The following RECQL4 variants were observed in gnomAD, a reference collection of about 807,000 sequenced individuals.
RECQL4 encodes RecQ like helicase 4, also known as ATP-dependent DNA helicase Q4.
A neutral mutation model predicts 128.6 loss-of-function variants in RECQL4; 158 were observed. The ratio of observed to expected loss-of-function variants is 1.23; its 90% CI spans 1.08 to 1.40. The LOEUF is 1.40. Ranked by LOEUF, RECQL4 falls within the 40% of genes most tolerant of loss-of-function variation. RECQL4 has a pLI of 0.00. For missense variants in RECQL4, 2,293 were observed against 1,649.8 expected (o/e 1.39, Z -6.75); for synonymous variants, 996 against 678.9 (o/e 1.47, Z -7.26).
chr8:144,513,737 CAGTGGGG>C (rs1827699414), intron 12 of RECQL4, 25 bp from the exon 13 acceptor site: 1 of 1,399,712 alleles, frequency 7.1e-7, no homozygotes, highest in African/African-American at 1.8e-5. Flanking sequence ...TTGGCGTGGG[CAGTGGGG>C]AGTGAGGAGG....
At chr8:144,514,695 C>T (rs1827892856) in intron 9 of RECQL4, among the ~76,000 whole-genome samples, 170 bp from the exon 10 acceptor site, 1 of 152,058 alleles carries the variant, frequency 6.6e-6, no homozygotes, top group Non-Finnish European at 1.5e-5. Flanking sequence ...GGCCCAGGAG[C>T]CCCAGAGCAG....
rs950625197 is a variant in RECQL4, at chr8:144,517,681, G to C, written c.84+20C>G. 5.6e-6 allele frequency: 8 copies of C among 1,434,800 alleles called. No individual in the cohort carries two copies. Among genetic ancestry groups the C allele is most frequent in the Non-Finnish European group, 7.3e-6 (8 of 1,099,454 alleles). The allele number at this position is 1,434,800 out of a possible 1,614,324, so 88.9% of individuals were successfully genotyped here. On this transcript the variant is annotated intron_variant, in intron 1 of 20. Coordinates refer to ENST00000617875, the MANE Select transcript of RECQL4 (RefSeq NM_004260.4). ...CCGCGGGCCGCGCCCTCAGCCCCTC[G>C]GCCCCTGGGCAGCCCGCACCTGGCT...
Position 144,514,544 on chromosome 8 carries a change from C to A in RECQL4, c.1621-19G>T, listed in dbSNP as rs1366481725. ...CAGACACCTGCAAATGCAGGAGCGA[C>A]AGCCGTCATACGCCAGCCCAGCCCT... On this transcript the variant is annotated intron_variant, in intron 9 of 20. Transcript: ENST00000617875. The A allele has an allele frequency of 1.2e-6, 2 of 1,606,088 alleles. No individual in the cohort carries two copies. The highest frequency in any genetic ancestry group is 2.2e-5 in the South Asian group (2 of 90,056).
rs1483530082 is a variant in RECQL4 at position 144,513,334 on chromosome 8, C to T, written c.2347G>A (p.Val783Met). ...AFGMGLDRPD[V>M]RAVLHLGLPP... Reference sequence around the variant, plus strand: ...AGCCCCAGATGCAGCACAGCCCGCACATCTGGCCGGTCCAGCCCCATCCCA... The same window carrying T: ...AGCCCCAGATGCAGCACAGCCCGCATATCTGGCCGGTCCAGCCCCATCCCA... Residue 783 changes from valine (V) to methionine (M), a missense_variant, in exon 14 of 21, where the codon GTG becomes ATG. By Grantham distance (21) the Val-to-Met change is conservative. Coordinates refer to ENST00000617875, the MANE Select transcript of RECQL4 (RefSeq NM_004260.4). The T allele has an allele frequency of 1.1e-5, 18 of 1,603,822 alleles. No individual in the cohort carries two copies. Among genetic ancestry groups the T allele is most frequent in the Admixed American group, 1.7e-5 (1 of 59,952 alleles).
At position 144,515,083 on chromosome 8, in the gene RECQL4, C is replaced by G. The variant is rs376242705; in HGVS notation, c.1484-11G>C. On this transcript the variant is annotated splice_polypyrimidine_tract_variant and intron_variant, in intron 8 of 20. Transcript: ENST00000617875. ...GCAGCGTGGAGATGCCTGGATGGGG[C>G]GGGAGTCAGCAGCAGGGTTCTGCAG... The G allele has an allele frequency of 6.9e-6, 11 of 1,599,672 alleles. No individual in the cohort carries two copies. The Admixed American group carries it at 1.9e-4, about 28-fold the overall frequency.
At position 144,512,936 on chromosome 8, in the gene RECQL4, G is replaced by A. The variant is rs1362182116; in HGVS notation, c.2666C>T (p.Ala889Val). The A allele has an allele frequency of 1.3e-6, 2 of 1,577,086 alleles. No homozygotes were observed. The highest frequency in any genetic ancestry group is 2.3e-5 in the East Asian group (1 of 42,896). Residue 889 changes from alanine to valine, a missense_variant, in exon 15 of 21, where the codon GCA becomes GTA. Coordinates refer to ENST00000617875, the MANE Select transcript of RECQL4 (RefSeq NM_004260.4). ...PQEAEQLSHQ[A>V]APGPRRVCMG... ...GCAGACCCTTCTGGGTCCTGGGGCT[G>A]CTTGGTGGCTAAGCTGCTCAGCCTC...
rs776616498 is a variant in RECQL4 at position 144,514,214 on chromosome 8, C to T, written c.1853G>A (p.Arg618Gln). ...HCLSQWSHNF[R>Q]PCYLRVCKVL... ...CTTGCAGACGCGCAGGTAGCAGGGC[C>T]GGAAGTTGTGGGACCACTGGGAGAG... Residue 618 changes from arginine (R) to glutamine (Q), a missense_variant, in exon 11 of 21, where the codon CGG (arginine) becomes CAG (glutamine). Coordinates refer to ENST00000617875, the MANE Select transcript of RECQL4 (RefSeq NM_004260.4). 71 of 1,612,160 alleles carry T rather than the reference C, an allele frequency of 4.4e-5. 1 individual carries two copies. The highest frequency in any genetic ancestry group is 9.4e-5 in the African/African-American group (7 of 74,854).
chr8:144,515,504 G>A (rs780049781), intron 6 of RECQL4, 47 bp from the exon 7 acceptor site: 1 of 1,611,478 alleles, frequency 6.2e-7, no homozygotes, highest in South Asian at 1.1e-5. Context: ...GGTCGGGCAA[G>A]ACAACCACTG....
chr8:144,516,822 T>C, intron 4 of RECQL4, 58 bp from the exon 5 acceptor site: 1 of 1,476,628 alleles, frequency 6.8e-7, no homozygotes, highest in South Asian at 1.4e-5. Flanking sequence ...TACTGTAGAC[T>C]CTAAAACCTA....
chr8:144,515,382 C>G lies in RECQL4; in HGVS notation c.1334G>C (p.Ser445Thr), dbSNP rs747571861. 2 of 1,612,770 alleles carry G rather than the reference C, an allele frequency of 1.2e-6. No homozygotes were observed. The highest frequency in any genetic ancestry group is 2.7e-5 in the African/African-American group (2 of 75,050). The change falls in exon 7 of 21, where the codon AGC becomes ACC. Residue 445 changes from serine to threonine, a missense_variant. Transcript: ENST00000617875. ...GAGTGGCAGCACGGTGGGGTCCAGG[C>G]TGGGCACCTCAGGTACAGGTTGTGG... Reference protein sequence around the residue: ...PSPQPVPEVPSLDPTVLPLYS... With the variant: ...PSPQPVPEVPTLDPTVLPLYS...
rs1586787364 is a variant in RECQL4 at position 144,511,498 on chromosome 8, T to C, written c.3560A>G (p.Tyr1187Cys). The change falls in exon 21 of 21, where the codon TAC (tyrosine) becomes TGC (cysteine). Residue 1187 changes from tyrosine to cysteine, a missense_variant. Physicochemically the swap from Tyr to Cys is radical, Grantham distance 194. Coordinates refer to ENST00000617875, the MANE Select transcript of RECQL4 (RefSeq NM_004260.4). ...CAGGGCATGGAAGCTCAGGTGCAGG[T>C]ATTTTCTCCAGAAGCGTCGGTCCTG... The part of the protein sequence containing the change: ...YGQDRRFWRK[Y>C]LHLSFHALVG... 6.2e-7 allele frequency: 1 copy of C among 1,612,574 alleles called. No homozygotes were observed. The highest frequency in any genetic ancestry group is 8.5e-7 in the Non-Finnish European group (1 of 1,179,810).
Position 144,511,930 on chromosome 8 carries a change from G to T in RECQL4, c.3374C>A (p.Pro1125His), listed in dbSNP as rs1333082439. 6.2e-7 allele frequency: 1 copy of T among 1,610,994 alleles called. No individual in the cohort carries two copies. The highest frequency in any genetic ancestry group is 8.5e-7 in the Non-Finnish European group (1 of 1,179,794). ...ACTCACTCTGGCCTGCCCTGGCTCG[G>T]GGCCCTGTGCGTCCTCCATGCCTCC... ...EPGGMEDAQG[P>H]EPGQARLQDW... is the part of the protein sequence containing the mutation. Residue 1125 changes from proline to histidine, a missense_variant, in exon 19 of 21, where the codon CCC becomes CAC. Coordinates refer to ENST00000617875, the MANE Select transcript of RECQL4 (RefSeq NM_004260.4).
At chr8:144,515,647 G>T in intron 6 of RECQL4, 117 bp downstream of exon 6, 1 of 1,468,676 alleles carries the variant, frequency 6.8e-7, no homozygotes, top group Non-Finnish European at 9.2e-7. Context: ...GCTAGGGTAG[G>T]GCCTGGACCA....
intron 4 of RECQL4, 99 bp from the exon 5 acceptor site, chr8:144,516,863 G>C: frequency 2.2e-6 from 3 of 1,386,844 alleles, no homozygotes; most frequent in Non-Finnish European, 1.9e-6. Context: ...TGTAGAGCAG[G>C]CTAATTAGCA....
In RECQL4 at chr8:144,512,263, G is replaced by A. The variant is rs1827386919; in HGVS notation, c.3117C>T (p.Ser1039=). The change falls in exon 18 of 21, where the codon AGC becomes AGT. Residue 1039 remains serine, a synonymous_variant. Coordinates refer to ENST00000617875, the MANE Select transcript of RECQL4 (RefSeq NM_004260.4). ...TCTCCTCAGCGGTCAAGTCCCCCGGGCTGCGAAGGTGGAAGGCCAGCTCAC... is the reference window on the plus strand; with the variant it reads ...TCTCCTCAGCGGTCAAGTCCCCCGGACTGCGAAGGTGGAAGGCCAGCTCAC... The part of the protein sequence containing the change: ...EFSELAFHLR[S]PGDLTAEEKD... The A allele has an allele frequency of 3.1e-6, 5 of 1,612,480 alleles. No homozygotes were observed. Among genetic ancestry groups the A allele is most frequent in the Non-Finnish European group, 3.4e-6 (4 of 1,179,782 alleles).
chr8:144,512,205 C>G lies in RECQL4; in HGVS notation c.3175G>C (p.Val1059Leu). 2 of 1,612,310 alleles carry G rather than the reference C, an allele frequency of 1.2e-6. No individual in the cohort carries two copies. The highest frequency in any genetic ancestry group is 2.2e-5 in the South Asian group (2 of 91,078). Residue 1059 changes from valine to leucine, a missense_variant, in exon 18 of 21, where the codon GTG (valine) becomes CTG (leucine). By Grantham distance (32) the Val-to-Leu change is conservative. Coordinates refer to ENST00000617875, the MANE Select transcript of RECQL4 (RefSeq NM_004260.4). ...AGGGCCTGGCGCTCCCGGGCCTGCA[C>G]ACGGCCATAGAGGAAGTCACATATC... ...DQICDFLYGR[V>L]QARERQALAR...
Position 144,512,436 on chromosome 8 carries a change from C to T in RECQL4, c.3011G>A (p.Arg1004Gln), listed in dbSNP as rs750261857. The change falls in exon 17 of 21, where the codon CGG becomes CAG. Residue 1004 changes from arginine (R) to glutamine (Q), a missense_variant. Physicochemically the swap from Arg to Gln is conservative, Grantham distance 43. Transcript: ENST00000617875. The stretch of plus-strand genomic sequence containing the variant: ...CCACTGCAGCTGGCAGAGAGCCCGC[C>T]GCACAGAGGCCAGCTCCCAGCCCAT... Reference protein sequence around the residue: ...DSMGWELASVRRALCQLQWDH... With the variant: ...DSMGWELASVQRALCQLQWDH... 117 of 1,610,024 alleles carry T rather than the reference C, an allele frequency of 7.3e-5. 2 individuals are homozygous for T. The highest frequency in any genetic ancestry group is 6.0e-4 in the East Asian group (27 of 44,814).
chr8:144,512,856 G>T lies in RECQL4; in HGVS notation c.2746C>A (p.Pro916Thr). ...ACCCCAGGTTCCTCACCCTCCTCCGGCATGTCCAAAGCCTGTACGGTAAGC... is the reference window on the plus strand; with the variant it reads ...ACCCCAGGTTCCTCACCCTCCTCCGTCATGTCCAAAGCCTGTACGGTAAGC... ...IQLTVQALDM[P>T]EEAIETLLCY... The change falls in exon 15 of 21, where the codon CCG becomes ACG. Residue 916 changes from proline to threonine, a missense_variant. Pro to Thr is a conservative substitution (Grantham distance 38). Transcript: ENST00000617875. 2 of 1,603,402 alleles carry T rather than the reference G, an allele frequency of 1.2e-6. No individual in the cohort carries two copies. Among genetic ancestry groups the T allele is most frequent in the Non-Finnish European group, 1.7e-6 (2 of 1,175,320 alleles).
In RECQL4 at chr8:144,511,960, TC is replaced by T; in HGVS notation, c.3343del (p.Glu1115SerfsTer35). On this transcript the variant is annotated frameshift_variant, in exon 19 of 21. Transcript: ENST00000617875. LOFTEE classifies it high-confidence loss of function. Reference protein sequence around the residue: ...GRYFEEEEGQEPGGMEDAQGP... With the variant: ...GRYFEEEEGQXPGGMEDAQGP... ...CTGTGCGTCCTCCATGCCTCCCGGC[TC>T]CTGCCCTTCCTCTTCCTCAAAGTAG... 6.2e-7 allele frequency: 1 copy of T among 1,611,600 alleles called. No individual in the cohort carries two copies. Among genetic ancestry groups the T allele is most frequent in the South Asian group, 1.1e-5 (1 of 91,058 alleles).
Sources: allele counts gnomAD v4.1 joint callset (sites outside exome capture counted in the v4.1 genomes callset), GRCh38; gene constraint gnomAD v4.1.1; transcripts MANE v1.5; gene names NCBI Gene and HGNC (gene_info 2026-07-23, HGNC 2026-07-21).